The following GPC3 variants were observed in gnomAD, a reference collection of about 807,000 sequenced individuals.
GPC3 encodes the protein glypican 3, also known as glypican-3.
A neutral mutation model predicts 34.4 loss-of-function variants in GPC3; 3 were observed. That is an observed-to-expected ratio of 0.09 (90% CI 0.04 to 0.23). The LOEUF (loss-of-function observed/expected upper bound fraction) is 0.23. Ranked by LOEUF, GPC3 falls within the 10% of genes least tolerant of loss-of-function variation. The pLI is 1.00. For missense variants in GPC3, 351 were observed against 445.6 expected, an observed-to-expected ratio of 0.79 and a Z score of 1.91; for synonymous variants, 177 against 174.0, an observed-to-expected ratio of 1.02 and a Z score of -0.13.
At chrX:133,710,036 G>C (rs1477790321) in intron 3 of GPC3, among the ~76,000 whole-genome samples, 1 of 111,719 alleles carries the variant, frequency 9.0e-6, no homozygotes, top group Non-Finnish European at 1.9e-5. Context: ...ACATTTTGCT[G>C]TGACTCATTG....
chrX:133,882,641 C>G (rs951347253), intron 2 of GPC3, among the ~76,000 whole-genome samples: 1 of 110,697 alleles, frequency 9.0e-6, no homozygotes, highest in Admixed American at 9.7e-5. Flanking sequence ...GAAGCATGCC[C>G]TTGCAACTGT....
chrX:133,955,710 G>GA lies in GPC3; in HGVS notation c.176-2500dup, dbSNP rs199914361. ...ATAAAGCAAACTAAGAAGGTAGAAT[G>GA]AAAAAAAAATGTGTATATGGGATAT... On this transcript the variant is annotated intron_variant, in intron 1 of 7. Coordinates refer to ENST00000370818, the MANE Select transcript of GPC3 (RefSeq NM_004484.4). 9.2e-3 allele frequency among the ~76,000 whole-genome samples: 1,001 copies of GA among 108,495 alleles called. 11 individuals carry two copies. The highest frequency in any genetic ancestry group is 0.027 in the African/African-American group (803 of 29,922). The allele number at this position is 108,495 out of a possible 115,157, so 94.2% of individuals were successfully genotyped here.
At position 133,655,002 on chromosome X, in the gene GPC3, CCAA is replaced by C. The variant is rs1190546954; in HGVS notation, c.1413+6725_1413+6727del. Among the ~76,000 whole-genome samples the C allele has an allele frequency of 4.5e-5, 5 of 111,563 alleles. No individual in the cohort carries two copies. In the East Asian group the frequency reaches 1.4e-3, roughly 32 times the overall value. The stretch of plus-strand genomic sequence containing the variant: ...AATCAAGATGACCACAACACTAATA[CCAA>C]CAACATTTTGGCTCACCATTTCTGA... On this transcript the variant is annotated intron_variant, in intron 6 of 7. Coordinates refer to ENST00000370818, the MANE Select transcript of GPC3 (RefSeq NM_004484.4).
chrX:133,593,902 C>G (rs1249391439), intron 7 of GPC3, among the ~76,000 whole-genome samples: 1 of 110,757 alleles, frequency 9.0e-6, no homozygotes, highest in Non-Finnish European at 1.9e-5. Flanking sequence ...TGAGACCAGC[C>G]TGGCCAACAT....
chrX:133,845,724 G>A (rs2075844510), intron 2 of GPC3, among the ~76,000 whole-genome samples: 1 of 112,229 alleles, frequency 8.9e-6, no homozygotes, highest in Non-Finnish European at 1.9e-5. Flanking sequence ...GAGCACTAAA[G>A]GATGCTGTAC....
chrX:133,545,383 C>T (rs896684309), intron 7 of GPC3, among the ~76,000 whole-genome samples: 1 of 111,490 alleles, frequency 9.0e-6, no homozygotes, highest in African/African-American at 3.3e-5. Context: ...GGCCATGGTG[C>T]CTGCCTGTAG....
intron 3 of GPC3, among the ~76,000 whole-genome samples, chrX:133,744,355 A>G (rs1010626367): frequency 2.7e-5 from 3 of 112,849 alleles, no homozygotes; most frequent in African/African-American, 9.7e-5. Flanking sequence ...GGCAAAGCAT[A>G]TGAACAGATA....
chrX:133,966,231 C>T (rs773137786), intron 1 of GPC3, among the ~76,000 whole-genome samples: 1 of 112,117 alleles, frequency 8.9e-6, no homozygotes, highest in African/African-American at 3.2e-5. Context: ...CCAAATTAGG[C>T]ATATTTTGAA....
In GPC3 at chrX:133,848,986, T is replaced by C. The variant is rs1186635308; in HGVS notation, c.338-94810A>G. ...CAGGATATTATAAACATGGCTGATC[T>C]CCATCTGTACTGATGACAGAACAAG... On this transcript the variant is annotated intron_variant, in intron 2 of 7. Coordinates refer to ENST00000370818, the MANE Select transcript of GPC3 (RefSeq NM_004484.4). Among the ~76,000 whole-genome samples the C allele has an allele frequency of 3.6e-5, 4 of 110,391 alleles. No individual in the cohort carries two copies. In the Admixed American group the frequency reaches 3.9e-4, roughly 11 times the overall value.
chrX:133,904,696 AG>A (rs2076160410), intron 2 of GPC3, among the ~76,000 whole-genome samples: 1 of 112,099 alleles, frequency 8.9e-6, no homozygotes, highest in Non-Finnish European at 1.9e-5. Flanking sequence ...TATGCTGACT[AG>A]GTTACTGGTT....
intron 2 of GPC3, among the ~76,000 whole-genome samples, chrX:133,893,179 C>G (rs1275606640): frequency 9.0e-6 from 1 of 111,180 alleles, no homozygotes; most frequent in Non-Finnish European, 1.9e-5. Context: ...ATCACTTGAA[C>G]CCAGGAGGCA....
At chrX:133,785,847 C>A (rs1013939312) in intron 2 of GPC3, among the ~76,000 whole-genome samples, 4 of 111,993 alleles carry the variant, frequency 3.6e-5, no homozygotes, top group Non-Finnish European at 7.5e-5. Flanking sequence ...TAAAGTTCAA[C>A]GTATTGTTTC....
intron 7 of GPC3, among the ~76,000 whole-genome samples, chrX:133,568,295 T>G (rs1037296802): frequency 9.0e-6 from 1 of 111,716 alleles, no homozygotes; most frequent in East Asian, 2.8e-4. Flanking sequence ...GGGGTACCTA[T>G]TTACTCCACA....
intron 2 of GPC3, among the ~76,000 whole-genome samples, chrX:133,873,164 C>A (rs900743690): frequency 8.9e-6 from 1 of 112,115 alleles, no homozygotes; most frequent in African/African-American, 3.2e-5. Context: ...ACGGCTAAGA[C>A]CTCTACCACA....
At chrX:133,631,923 A>T (rs1320012030) in intron 6 of GPC3, among the ~76,000 whole-genome samples, 2 of 110,650 alleles carry the variant, frequency 1.8e-5, no homozygotes, top group East Asian at 5.6e-4. Context: ...GTATTAAAAA[A>T]AAAACAAACT....
intron 3 of GPC3, among the ~76,000 whole-genome samples, chrX:133,713,422 A>G (rs1914973229): frequency 8.9e-6 from 1 of 112,163 alleles, no homozygotes; most frequent in African/African-American, 3.2e-5. Flanking sequence ...ACTTAAGAAT[A>G]TACTTGAAGA....
At chrX:133,761,181 C>A (rs1308868037) in intron 2 of GPC3, among the ~76,000 whole-genome samples, 3 of 110,894 alleles carry the variant, frequency 2.7e-5, no homozygotes, top group Non-Finnish European at 3.8e-5. Context: ...GTTAATGGAC[C>A]CAAACAGCCA....
At chrX:133,911,170 T>C (rs1308457569) in intron 2 of GPC3, among the ~76,000 whole-genome samples, 1 of 112,625 alleles carries the variant, frequency 8.9e-6, no homozygotes, top group Non-Finnish European at 1.9e-5. Flanking sequence ...TGATCAAACT[T>C]TTATTTATGC....
chrX:133,595,020 T>C (rs1057411359), intron 7 of GPC3, among the ~76,000 whole-genome samples: 9 of 110,450 alleles, frequency 8.1e-5, no homozygotes, highest in African/African-American at 6.6e-5. Flanking sequence ...GAAAGCGCCA[T>C]TGCACTCCAG....
Sources: allele counts gnomAD v4.1 joint callset (sites outside exome capture counted in the v4.1 genomes callset), GRCh38; gene constraint gnomAD v4.1.1; transcripts MANE v1.5; gene names NCBI Gene and HGNC (gene_info 2026-07-23, HGNC 2026-07-21).